The following UNG variants were observed in gnomAD, a reference collection of about 807,000 sequenced individuals.
UNG encodes the protein uracil-DNA glycosylase.
Under a neutral mutation model 36.5 loss-of-function variants are expected in UNG, and 34 were observed. The ratio of observed to expected loss-of-function variants is 0.93; its 90% confidence interval spans 0.71 to 1.24. UNG has a LOEUF of 1.24. Among genes scored for constraint, UNG ranks in the 50% most tolerant of loss-of-function variants. UNG has a pLI of 0.00. For synonymous variants in UNG, 172 were observed against 157.8 expected (o/e 1.09, Z -0.67); for missense variants, 391 against 397.6 (o/e 0.98, Z 0.14).
At chr12:109,101,500 A>G (rs1477386471) in intron 3 of UNG, among the ~76,000 whole-genome samples, 1 of 151,882 alleles carries the variant, frequency 6.6e-6, no homozygotes, top group East Asian at 2.0e-4. Context: ...GATCTCAGGA[A>G]TTTGAGACCA....
rs1555265461 is a variant in UNG at position 109,109,781 on chromosome 12, A to AAATT, written c.802-48_802-47insAATT. 203 of 1,577,384 alleles carry AAATT rather than the reference A, an allele frequency of 1.3e-4. No homozygotes were observed. In the African/African-American group the frequency reaches 2.3e-3, roughly 18 times the overall value. ...TCTGTCTCAAAAAAAAAAAAAAAAA[A>AAATT]TTTAAAAAGTCCCAAATCTGCCACC... is the stretch of plus-strand genomic sequence containing the variant. On this transcript the variant is annotated intron_variant, in intron 6 of 6. Coordinates refer to ENST00000242576, the MANE Select transcript of UNG (RefSeq NM_080911.3).
rs2042251483 is a variant in UNG at position 109,110,288 on chromosome 12, T to C, written c.*319T>C. The C allele has an allele frequency of 2.7e-6, 1 of 365,874 alleles. No individual in the cohort carries two copies. 22.7% of individuals were successfully genotyped at this position (365,874 alleles called of 1,614,324 possible). On this transcript the variant is annotated 3_prime_UTR_variant, in exon 7 of 7. Coordinates refer to ENST00000242576, the MANE Select transcript of UNG (RefSeq NM_080911.3). ...GTGAAACAGGGGAGATGTGCACCTT[T>C]CAGGCACAGCCCTAGTTTGGCGCCT...
At chr12:109,107,518 C>CTTTTTTT (rs34833015) in intron 6 of UNG, among the ~76,000 whole-genome samples, 4 of 89,432 alleles carry the variant, frequency 4.5e-5, no homozygotes, top group Non-Finnish European at 8.3e-5. Flanking sequence ...GACTATTCCT[C>CTTTTTTT]TTTTTTTTTT....
chr12:109,105,700 C>T (rs1209383343), intron 6 of UNG, among the ~76,000 whole-genome samples: 1 of 152,108 alleles, frequency 6.6e-6, no homozygotes, highest in Non-Finnish European at 1.5e-5. Context: ...ACCTGCCTAC[C>T]TCTCTTTCTC....
chr12:109,102,953 T>TA, intron 5 of UNG, 26 bp downstream of exon 5: 2 of 1,497,732 alleles, frequency 1.3e-6, no homozygotes, highest in South Asian at 2.3e-5. Flanking sequence ...CTAGATTTTT[T>TA]TTTTTTTTTT....
chr12:109,098,565 A>G lies in UNG; in HGVS notation c.266A>G (p.Asn89Ser), dbSNP rs940064070. Residue 89 changes from asparagine (N) to serine (S), a missense_variant, in exon 2 of 7, where the codon AAC becomes AGC. Physicochemically the swap from Asn to Ser is conservative, Grantham distance 46. Coordinates refer to ENST00000242576, the MANE Select transcript of UNG (RefSeq NM_080911.3). The stretch of plus-strand genomic sequence containing the variant: ...GCCCTGCTCAGACTCGCGGCCCGCA[A>G]CGTGCCCGTGGGCTTTGGAGAGAGC... The part of the protein sequence containing the change: ...AAALLRLAAR[N>S]VPVGFGESWK... The G allele has an allele frequency of 1.2e-6, 2 of 1,613,344 alleles. No homozygotes were observed. The highest frequency in any genetic ancestry group is 1.7e-6 in the Non-Finnish European group (2 of 1,179,970).
intron 5 of UNG, 63 bp from the exon 6 acceptor site, chr12:109,103,370 G>T: frequency 6.7e-7 from 1 of 1,491,732 alleles, no homozygotes; most frequent in Non-Finnish European, 9.3e-7. Context: ...TTTAGCTCCT[G>T]TTGCTGGGTA....
At chr12:109,103,846 A>G (rs2042197485) in intron 6 of UNG, among the ~76,000 whole-genome samples, 1 of 152,110 alleles carries the variant, frequency 6.6e-6, no homozygotes, top group Non-Finnish European at 1.5e-5. Context: ...CCAACTTGTG[A>G]CTGAATGCAG....
chr12:109,104,149 A>AG (rs2042200115), intron 6 of UNG, among the ~76,000 whole-genome samples: 1 of 151,622 alleles, frequency 6.6e-6, no homozygotes, highest in African/African-American at 2.4e-5. Context: ...GCTGGGTTTA[A>AG]GTGATTCTGC....
At position 109,098,409 on chromosome 12, in the gene UNG, G is replaced by T. The variant is rs1378670251; in HGVS notation, c.133-23G>T. The T allele has an allele frequency of 5.0e-6, 8 of 1,601,776 alleles. No individual in the cohort carries two copies. In the Admixed American group the frequency reaches 8.6e-5, roughly 17 times the overall value. On this transcript the variant is annotated intron_variant, in intron 1 of 6. Coordinates refer to ENST00000242576, the MANE Select transcript of UNG (RefSeq NM_080911.3). ...AAGGGGCCGCTGCAGCTCTTGAGCC[G>T]CCTCTGCGGGGACCACTTGCAGGCC...
rs535034511 is a variant in UNG, at chr12:109,101,966, T to G, written c.500T>G (p.Phe167Cys). 1 of 1,613,986 alleles carries G rather than the reference T, an allele frequency of 6.2e-7. No homozygotes were observed. Among genetic ancestry groups the G allele is most frequent in the South Asian group, 1.1e-5 (1 of 91,086 alleles). ...HGPNQAHGLC[F>C]SVQRPVPPPP... ...CCTAATCAAGCTCACGGGCTCTGCT[T>G]TAGTGTTCAAAGGCCTGTTCCGCCT... Residue 167 changes from phenylalanine to cysteine, a missense_variant, in exon 4 of 7, where the codon TTT (phenylalanine) becomes TGT (cysteine). By Grantham distance (205) the Phe-to-Cys change is radical. Coordinates refer to ENST00000242576, the MANE Select transcript of UNG (RefSeq NM_080911.3).
chr12:109,109,595 C>T (rs1156611689), intron 6 of UNG, among the ~76,000 whole-genome samples: 1 of 151,712 alleles, frequency 6.6e-6, no homozygotes, highest in Non-Finnish European at 1.5e-5. Flanking sequence ...CCATCCTGGC[C>T]AATATGATGA....
intron 6 of UNG, among the ~76,000 whole-genome samples, chr12:109,106,603 G>A (rs1284945146): frequency 2.0e-5 from 3 of 151,696 alleles, no homozygotes; most frequent in Non-Finnish European, 4.4e-5. Flanking sequence ...GGTCCCATAA[G>A]ATTATAATAT....
intron 6 of UNG, among the ~76,000 whole-genome samples, chr12:109,106,576 AC>A (rs892016021): frequency 2.6e-5 from 4 of 152,090 alleles, no homozygotes; most frequent in African/African-American, 9.6e-5. Context: ...TCAGTCATAA[AC>A]TGTATATATG....
intron 3 of UNG, 136 bp downstream of exon 3, chr12:109,099,420 T>G (rs950419365): frequency 1.6e-5 from 12 of 774,110 alleles, no homozygotes; most frequent in Non-Finnish European, 1.1e-5. Context: ...TTTGGCTGAC[T>G]GTATTTCAGC....
chr12:109,102,780 G>T, intron 4 of UNG, 59 bp from the exon 5 acceptor site: 1 of 1,406,398 alleles, frequency 7.1e-7, no homozygotes, highest in South Asian at 1.2e-5. Context: ...AGACGTTACT[G>T]AGCTTTCAAA....
At chr12:109,101,360 G>A (rs1160649622) in intron 3 of UNG, among the ~76,000 whole-genome samples, 1 of 151,596 alleles carries the variant, frequency 6.6e-6, no homozygotes, top group Non-Finnish European at 1.5e-5. Context: ...AAAGTGCTGG[G>A]ATTACAGGCG....
intron 6 of UNG, among the ~76,000 whole-genome samples, chr12:109,105,947 T>C (rs1414593717): frequency 6.6e-6 from 1 of 152,228 alleles, no homozygotes; most frequent in African/African-American, 2.4e-5. Context: ...CTTAACTCTA[T>C]CCCTCTTTGC....
Position 109,101,948 on chromosome 12 carries a change from A to T in UNG, c.482A>T (p.Gln161Leu), listed in dbSNP as rs1241893564. The T allele has an allele frequency of 6.2e-7, 1 of 1,614,076 alleles. No individual in the cohort carries two copies. The highest frequency in any genetic ancestry group is 2.2e-5 in the East Asian group (1 of 44,882). ...CAGGATCCATATCATGGACCTAATCAAGCTCACGGGCTCTGCTTTAGTGTT... is the reference window on the plus strand; with the variant it reads ...CAGGATCCATATCATGGACCTAATCTAGCTCACGGGCTCTGCTTTAGTGTT... Reference protein sequence around the residue: ...LGQDPYHGPNQAHGLCFSVQR... With the variant: ...LGQDPYHGPNLAHGLCFSVQR... Residue 161 changes from glutamine to leucine, a missense_variant, in exon 4 of 7, where the codon CAA (glutamine) becomes CTA (leucine). Physicochemically the swap from Gln to Leu is moderately radical, Grantham distance 113. Coordinates refer to ENST00000242576, the MANE Select transcript of UNG (RefSeq NM_080911.3).
Sources: gnomAD v4.1 joint callset for allele counts (sites outside exome capture counted in the v4.1 genomes callset) on GRCh38, gnomAD v4.1.1 for gene constraint, MANE v1.5 for transcripts, NCBI Gene and HGNC (gene_info 2026-07-23, HGNC 2026-07-21) for gene names.